Variants in SNX29 observed in about 807,000 individuals in gnomAD.
SNX29 encodes the protein sorting nexin 29.
A neutral mutation model predicts 102.1 loss-of-function variants in SNX29; 78 were observed. The ratio of observed to expected loss-of-function variants is 0.76; its 90% CI spans 0.64 to 0.92. SNX29 has a LOEUF of 0.92. SNX29 is among the 40% of genes least tolerant of loss of function. The probability of loss-of-function intolerance (pLI) is 0.00; values close to 1 mark genes in which losing one functional copy is unlikely to be tolerated. For synonymous variants in SNX29, 580 were observed against 414.5 expected (o/e 1.40, Z -4.85); for missense variants, 1,280 against 1,061.7 (o/e 1.21, Z -2.86).
At chr16:12,026,394 A>G (rs1408970162) in intron 3 of SNX29, among the ~76,000 whole-genome samples, 5 of 152,218 alleles carry the variant, frequency 3.3e-5, no homozygotes, top group Non-Finnish European at 5.9e-5. Context: ...TCTCACTCTC[A>G]CTGTCATCTC....
At chr16:12,185,998 A>G (rs1373803655) in intron 13 of SNX29, among the ~76,000 whole-genome samples, 1 of 152,154 alleles carries the variant, frequency 6.6e-6, no homozygotes, top group Admixed American at 6.5e-5. Context: ...CACCCCTTAA[A>G]ACCCCAGTAT....
chr16:12,074,524 C>T (rs946649068), intron 10 of SNX29, among the ~76,000 whole-genome samples: 20 of 152,126 alleles, frequency 1.3e-4, no homozygotes, highest in African/African-American at 4.3e-4. Flanking sequence ...AAGTTTCTGT[C>T]GAGAGATCCA....
At chr16:12,055,368 G>A (rs2050477533) in intron 8 of SNX29, among the ~76,000 whole-genome samples, 1 of 151,664 alleles carries the variant, frequency 6.6e-6, no homozygotes, top group African/African-American at 2.4e-5. Flanking sequence ...CGAGTAGCTG[G>A]GATTACAGGT....
At chr16:12,012,687 G>C (rs1212378385) in intron 3 of SNX29, among the ~76,000 whole-genome samples, 1 of 152,036 alleles carries the variant, frequency 6.6e-6, no homozygotes, top group East Asian at 1.9e-4. Flanking sequence ...GATTACAGGC[G>C]TGAGCCACCG....
intron 11 of SNX29, among the ~76,000 whole-genome samples, chr16:12,103,498 A>G (rs1024722106): frequency 9.2e-5 from 14 of 152,178 alleles, no homozygotes; most frequent in African/African-American, 3.4e-4. Context: ...TATTCAGAAA[A>G]CTGAAACTGG....
At chr16:12,525,439 G>A (rs1323605829) in intron 20 of SNX29, among the ~76,000 whole-genome samples, 4 of 152,336 alleles carry the variant, frequency 2.6e-5, no homozygotes, top group African/African-American at 9.6e-5. Context: ...CTGGGAGGCT[G>A]AGGCGGGTGG....
At chr16:12,071,933 A>T (rs984345561) in intron 10 of SNX29, among the ~76,000 whole-genome samples, 1 of 152,184 alleles carries the variant, frequency 6.6e-6, no homozygotes, top group African/African-American at 2.4e-5. Context: ...CTTTGAAGCA[A>T]TTGTGAATGG....
intron 14 of SNX29, among the ~76,000 whole-genome samples, chr16:12,251,336 A>G (rs2078415303): frequency 6.6e-6 from 1 of 152,240 alleles, no homozygotes; most frequent in Non-Finnish European, 1.5e-5. Context: ...GTTCATTAAT[A>G]TTATTGACCC....
chr16:12,552,235 G>A (rs972547180), intron 20 of SNX29, among the ~76,000 whole-genome samples: 1 of 149,658 alleles, frequency 6.7e-6, no homozygotes, highest in Non-Finnish European at 1.5e-5. Flanking sequence ...CCAGCACCAT[G>A]CCCCAGCTTT....
intron 15 of SNX29, among the ~76,000 whole-genome samples, chr16:12,307,626 A>G (rs942273249): frequency 2.6e-5 from 4 of 152,230 alleles, no homozygotes; most frequent in Non-Finnish European, 4.4e-5. Context: ...TGTCAGCAGT[A>G]GAATGTAGAG....
chr16:12,230,819 C>CGTTT (rs2142195369), intron 14 of SNX29, among the ~76,000 whole-genome samples: 1 of 150,398 alleles, frequency 6.6e-6, no homozygotes, highest in East Asian at 2.0e-4. Flanking sequence ...TGTAATAAGT[C>CGTTT]GTATGTATGT....
chr16:12,200,251 G>C (rs764806064), intron 14 of SNX29, among the ~76,000 whole-genome samples: 1 of 152,048 alleles, frequency 6.6e-6, no homozygotes, highest in Non-Finnish European at 1.5e-5. Context: ...TTATTAATCA[G>C]AAATTCCAGC....
intron 20 of SNX29, among the ~76,000 whole-genome samples, chr16:12,536,831 C>T (rs1394489968): frequency 2.0e-5 from 3 of 152,092 alleles, no homozygotes; most frequent in African/African-American, 4.8e-5. Context: ...CAAAAATTAG[C>T]CAGGCATGGT....
chr16:12,308,641 G>A (rs954452741), intron 15 of SNX29, among the ~76,000 whole-genome samples: 2 of 152,124 alleles, frequency 1.3e-5, no homozygotes, highest in Non-Finnish European at 2.9e-5. Context: ...AAAAATCCTC[G>A]ACTTCTAAGG....
At chr16:12,042,794 A>T in intron 4 of SNX29, 103 bp from the exon 5 acceptor site, 5 of 1,164,252 alleles carry the variant, frequency 4.3e-6, no homozygotes, top group Non-Finnish European at 6.1e-6. Context: ...CTAAGGGGAT[A>T]CTCTGTTACA....
At chr16:12,271,185 G>C (rs2079082557) in intron 14 of SNX29, among the ~76,000 whole-genome samples, 1 of 152,256 alleles carries the variant, frequency 6.6e-6, no homozygotes, top group Admixed American at 6.5e-5. Context: ...CTTTGTGTGG[G>C]ATAGACAGCC....
At chr16:12,451,966 A>G (rs1171379727) in intron 18 of SNX29, among the ~76,000 whole-genome samples, 1 of 152,210 alleles carries the variant, frequency 6.6e-6, no homozygotes, top group Non-Finnish European at 1.5e-5. Flanking sequence ...TGGCCTGGAT[A>G]AGCAGCTTGA....
chr16:12,067,151 C>T (rs75199276), intron 9 of SNX29, among the ~76,000 whole-genome samples: 2,115 of 152,128 alleles, frequency 0.014, 22 homozygotes, highest in Middle Eastern at 0.031. Context: ...TGCCACTGCT[C>T]TCCAGCCTGG....
chr16:12,517,147 G>A lies in SNX29; in HGVS notation c.2179-7555G>A, dbSNP rs577402139. On this transcript the variant is annotated intron_variant, in intron 19 of 20. Coordinates refer to ENST00000566228, the MANE Select transcript of SNX29 (RefSeq NM_032167.5). Reference sequence around the variant, plus strand: ...CCACACAGAGTGACAGCAGAGCCACGGGTGGGTGGCAAGGACTCATTAGGC... The same window carrying A: ...CCACACAGAGTGACAGCAGAGCCACAGGTGGGTGGCAAGGACTCATTAGGC... Among the ~76,000 whole-genome samples the A allele has an allele frequency of 1.1e-4, 17 of 152,298 alleles. 1 individual carries two copies. Among genetic ancestry groups the A allele is most frequent in the African/African-American group, 2.9e-4 (12 of 41,562 alleles).
Sources: gnomAD v4.1 joint callset for allele counts (sites outside exome capture counted in the v4.1 genomes callset) on GRCh38, gnomAD v4.1.1 for gene constraint, MANE v1.5 for transcripts, NCBI Gene and HGNC (gene_info 2026-07-23, HGNC 2026-07-21) for gene names.